The following AP1M1 variants were observed in gnomAD, a reference collection of about 807,000 sequenced individuals.
The protein encoded by AP1M1 is adaptor related protein complex 1 subunit mu 1, also known as AP-1 complex subunit mu-1.
A neutral mutation model predicts 57.1 loss-of-function variants in AP1M1; 18 were observed. The ratio of observed to expected loss-of-function variants is 0.32; its 90% CI spans 0.22 to 0.47. The LOEUF is 0.47. Among genes scored for constraint, AP1M1 ranks in the 20% least tolerant of loss-of-function variants. The pLI, the probability that AP1M1 is intolerant of heterozygous loss-of-function variation, is 1.00. For synonymous variants in AP1M1, 241 were observed against 237.9 expected (o/e 1.01, Z -0.12); for missense variants, 362 against 593.5 (o/e 0.61, Z 4.05).
At position 16,206,705 on chromosome 19, in the gene AP1M1, A is replaced by G. The variant is rs1005825983; in HGVS notation, c.267+297A>G. Among the ~76,000 whole-genome samples, 1 of 152,088 alleles carries G rather than the reference A, an allele frequency of 6.6e-6. No homozygotes were observed. Among genetic ancestry groups the G allele is most frequent in the Non-Finnish European group, 1.5e-5 (1 of 67,994 alleles). On this transcript the variant is annotated intron_variant, in intron 3 of 11. Transcript: ENST00000291439. The surrounding 1 kb of genome is among the most constrained non-coding windows in gnomAD (Gnocchi z 4.3). The stretch of plus-strand genomic sequence containing the variant: ...GCAGGGGTCAGCGAGCTTTGGAAGG[A>G]TGTGGGGTGACCAGCTGGATGGGGC...
intron 9 of AP1M1, among the ~76,000 whole-genome samples, chr19:16,232,825 C>A (rs977275361): frequency 2.0e-5 from 3 of 152,178 alleles, no homozygotes; most frequent in African/African-American, 7.2e-5. Flanking sequence ...AGGGCGAGAC[C>A]AGGCGCTGGG....
intron 9 of AP1M1, among the ~76,000 whole-genome samples, chr19:16,231,304 A>C (rs1370500222): frequency 1.6e-4 from 4 of 25,794 alleles, no homozygotes; most frequent in Admixed American, 1.1e-3. Context: ...AAAAAAAAAA[A>C]AAAAAACACA....
In AP1M1 at chr19:16,241,716, T is replaced by C. The variant is rs12985049; in HGVS notation, c.*7281T>C. 108,670 of 152,068 alleles carry C rather than the reference T, an allele frequency of 0.71. 39,066 individuals are homozygous for C. Among genetic ancestry groups the C allele is most frequent in the Admixed American group, 0.77 (11,798 of 15,272 alleles). The allele number at this position is 152,068 out of a possible 1,614,324, so 9.4% of individuals were successfully genotyped here. On this transcript the variant is annotated 3_prime_UTR_variant, in exon 12 of 12. Coordinates refer to ENST00000291439, the MANE Select transcript of AP1M1 (RefSeq NM_032493.4). Reference sequence around the variant, plus strand: ...GAGGCGTAGAAAAATCAGGAGGCACTGGGCGCGGTGGCTCACGCCTGTAAT... The same window carrying C: ...GAGGCGTAGAAAAATCAGGAGGCACCGGGCGCGGTGGCTCACGCCTGTAAT...
intron 5 of AP1M1, among the ~76,000 whole-genome samples, chr19:16,223,517 C>A (rs2091555229): frequency 6.6e-6 from 1 of 152,196 alleles, no homozygotes; most frequent in South Asian, 2.1e-4. Flanking sequence ...GAGAAAAGGA[C>A]AACGGTTGCC....
intron 4 of AP1M1, among the ~76,000 whole-genome samples, chr19:16,208,682 C>T (rs1265389769): frequency 6.6e-6 from 1 of 152,222 alleles, no homozygotes; most frequent in Non-Finnish European, 1.5e-5. Flanking sequence ...CCAGGTTACA[C>T]TCCGAGGCGT....
Position 16,235,544 on chromosome 19 carries a change from A to G in AP1M1, c.*1109A>G, listed in dbSNP as rs2145146677. ...CCATGGGCCACCACTCCTGGGCCACACAGAGGAGGCCACAGAGGCAGAGTC... is the reference window on the plus strand; with the variant it reads ...CCATGGGCCACCACTCCTGGGCCACGCAGAGGAGGCCACAGAGGCAGAGTC... On this transcript the variant is annotated 3_prime_UTR_variant, in exon 12 of 12. Transcript: ENST00000291439. The G allele has an allele frequency of 6.6e-6, 1 of 152,346 alleles. No individual in the cohort carries two copies. Among genetic ancestry groups the G allele is most frequent in the Middle Eastern group, 3.4e-3 (1 of 294 alleles). The allele number at this position is 152,346 out of a possible 1,614,324, so 9.4% of individuals were successfully genotyped here. A position where few individuals can be genotyped will look rare whatever the true frequency, so the allele number is the denominator to read the frequency against.
In AP1M1 at chr19:16,237,901, G is replaced by A. The variant is rs1390799417; in HGVS notation, c.*3466G>A. ...ATGTTACCCAGGCTGGAGTGCAGTG[G>A]CGTGATCACGGCTCACTGCAGCCTC... On this transcript the variant is annotated 3_prime_UTR_variant, in exon 12 of 12. Transcript: ENST00000291439. The A allele has an allele frequency of 1.3e-5, 2 of 152,016 alleles. No homozygotes were observed. The highest frequency in any genetic ancestry group is 1.9e-4 in the East Asian group (1 of 5,160). The allele number at this position is 152,016 out of a possible 1,614,324, so 9.4% of individuals were successfully genotyped here.
At chr19:16,226,318 G>A (rs2091570922) in intron 5 of AP1M1, 103 bp from the exon 6 acceptor site, 1 of 1,428,166 alleles carries the variant, frequency 7.0e-7, no homozygotes, top group Non-Finnish European at 9.3e-7. Context: ...TTGGAGGTGA[G>A]AAGGGCGTTG....
chr19:16,215,220 GAGGGGGGAGGGGA>G (rs2091514131), intron 5 of AP1M1, among the ~76,000 whole-genome samples: 1 of 47,044 alleles, frequency 2.1e-5, no homozygotes, highest in Non-Finnish European at 6.0e-5. Context: ...GGAGAGGGGG[GAGGGGGGAGGGGA>G]GGGGATCACC....
Position 16,233,579 on chromosome 19 carries a change from C to G in AP1M1, c.1134C>G (p.Val378=). ...EDKEGKPPIS[V]KFEIPYFTTS... is the part of the protein sequence containing the mutation. ...AGGAGGGCAAGCCCCCGATCAGTGT[C>G]AAGTTCGAGATCCCTTACTTCACTA... Residue 378 remains valine (V), a synonymous_variant, in exon 10 of 12, where the codon GTC becomes GTG. Coordinates refer to ENST00000291439, the MANE Select transcript of AP1M1 (RefSeq NM_032493.4). 1 of 1,610,992 alleles carries G rather than the reference C, an allele frequency of 6.2e-7. No homozygotes were observed. Among genetic ancestry groups the G allele is most frequent in the Non-Finnish European group, 8.5e-7 (1 of 1,178,860 alleles).
rs1437705297 is a variant in AP1M1 at position 16,240,604 on chromosome 19, C to T, written c.*6169C>T. 2.0e-5 allele frequency: 3 copies of T among 151,990 alleles called. No individual in the cohort carries two copies. The highest frequency in any genetic ancestry group is 2.0e-4 in the Admixed American group (3 of 15,228). The allele number at this position is 151,990 out of a possible 1,614,324, so 9.4% of individuals were successfully genotyped here. A position where few individuals can be genotyped will look rare whatever the true frequency, so the allele number is the denominator to read the frequency against. On this transcript the variant is annotated 3_prime_UTR_variant, in exon 12 of 12. Coordinates refer to ENST00000291439, the MANE Select transcript of AP1M1 (RefSeq NM_032493.4). ...AGCTGGGATTACAGGTGCACACCAC[C>T]ACGCCCGGCTAATTTTTGTATTTTT...
At chr19:16,212,730 A>G (rs528155504) in intron 5 of AP1M1, among the ~76,000 whole-genome samples, 1 of 152,198 alleles carries the variant, frequency 6.6e-6, no homozygotes, top group Non-Finnish European at 1.5e-5. Flanking sequence ...TGATGTGGGC[A>G]TGTAGTGCTG....
rs1403504174 is a variant in AP1M1 at position 16,240,020 on chromosome 19, G to A, written c.*5585G>A. The A allele has an allele frequency of 6.6e-6, 1 of 152,130 alleles. No homozygotes were observed. Among genetic ancestry groups the A allele is most frequent in the East Asian group, 1.9e-4 (1 of 5,202 alleles). The allele number at this position is 152,130 out of a possible 1,614,324, so 9.4% of individuals were successfully genotyped here. A position where few individuals can be genotyped will look rare whatever the true frequency, so the allele number is the denominator to read the frequency against. On this transcript the variant is annotated 3_prime_UTR_variant, in exon 12 of 12. Coordinates refer to ENST00000291439, the MANE Select transcript of AP1M1 (RefSeq NM_032493.4). ...AAACAATTGTGTCTGTGCTGGACAT[G>A]TACAGGTTTTCTTTTTTATTGTCAT...
intron 1 of AP1M1, 51 bp downstream of exon 1, chr19:16,198,119 C>T (rs750205420): frequency 2.9e-5 from 46 of 1,585,584 alleles, no homozygotes; most frequent in Admixed American, 1.0e-4. Context: ...GCAGGGGCCT[C>T]CGCCCGCGGG....
chr19:16,201,098 C>T (rs1016836429), intron 1 of AP1M1, among the ~76,000 whole-genome samples: 2 of 152,182 alleles, frequency 1.3e-5, no homozygotes, highest in African/African-American at 4.8e-5. Flanking sequence ...TGCCATCACC[C>T]ATTCAGCCAT....
At chr19:16,198,320 C>T in intron 1 of AP1M1, 1 of 283,742 alleles carries the variant, frequency 3.5e-6, no homozygotes, top group Non-Finnish European at 6.6e-6. Flanking sequence ...TAACTGACTG[C>T]ACCGCCCTCT....
At chr19:16,229,928 G>A (rs903599847) in intron 9 of AP1M1, among the ~76,000 whole-genome samples, 5 of 152,188 alleles carry the variant, frequency 3.3e-5, no homozygotes, top group Non-Finnish European at 7.3e-5. Context: ...GGTCACCTTT[G>A]GGAGCTGTGG....
chr19:16,203,105 C>T lies in AP1M1; in HGVS notation c.43-354C>T, dbSNP rs1002976601. On this transcript the variant is annotated intron_variant, in intron 1 of 11. Transcript: ENST00000291439. This position sits in a 1 kb window ranked among gnomAD's most constrained non-coding sequence, Gnocchi z 4.6. ...CTGACACAGGCGGGAGAGCAAGGTG[C>T]GTTGGCCCGGCAAAGGCTCTGAGAA... 6.1e-5 allele frequency: 16 copies of T among 262,136 alleles called. No individual in the cohort carries two copies. The highest frequency in any genetic ancestry group is 6.1e-4 in the Admixed American group (12 of 19,830). 16.2% of individuals were successfully genotyped at this position (262,136 alleles called of 1,614,324 possible).
In AP1M1 at chr19:16,198,747, C is replaced by T. The variant is rs563455384; in HGVS notation, c.42+679C>T. Among the ~76,000 whole-genome samples, 129 of 152,226 alleles carry T rather than the reference C, an allele frequency of 8.5e-4. 1 individual carries two copies. The highest frequency in any genetic ancestry group is 2.6e-3 in the African/African-American group (110 of 41,532). ...TCAGCTGATATCTGGGGAGCACCTA[C>T]TAATGCCGGGCAGGGTACTAAGCCT... On this transcript the variant is annotated intron_variant, in intron 1 of 11. Coordinates refer to ENST00000291439, the MANE Select transcript of AP1M1 (RefSeq NM_032493.4).
Sources: gnomAD v4.1 joint callset for allele counts (sites outside exome capture counted in the v4.1 genomes callset) on GRCh38, gnomAD v4.1.1 for gene constraint, Gnocchi (gnomAD v3.1) non-coding constraint, MANE v1.5 for transcripts, NCBI Gene and HGNC (gene_info 2026-07-23, HGNC 2026-07-21) for gene names.